PCDHGA1: variants seen among roughly 807,000 people sequenced by gnomAD.
PCDHGA1 encodes the protein protocadherin gamma subfamily A, 1.
In PCDHGA1, 32 loss-of-function variants were observed where a neutral mutation model predicts 58.0. That is an observed-to-expected ratio of 0.55 (90% confidence interval 0.42 to 0.74). The LOEUF is 0.74. Among genes scored for constraint, PCDHGA1 ranks in the 30% least tolerant of loss-of-function variants. The pLI is 0.00. For missense variants in PCDHGA1, 1,205 were observed against 1,182.3 expected (o/e 1.02, Z -0.28); for synonymous variants, 498 against 501.1 (o/e 0.99, Z 0.08).
In PCDHGA1 at chr5:141,330,917, A is replaced by C. The variant is rs755890926; in HGVS notation, c.233A>C (p.Asn78Thr). The change falls in exon 1 of 4, where the codon AAT becomes ACT. Residue 78 changes from asparagine to threonine, a missense_variant. Transcript: ENST00000517417. ...SRGRMPLFALNPRSGSLITAR... is the reference protein window; with the variant it reads ...SRGRMPLFALTPRSGSLITAR... ...GGTAGGATGCCGCTTTTCGCTCTGA[A>C]TCCTAGAAGTGGCAGCTTGATCACC... The C allele has an allele frequency of 6.2e-7, 1 of 1,614,208 alleles. No homozygotes were observed. Among genetic ancestry groups the C allele is most frequent in the South Asian group, 1.1e-5 (1 of 91,090 alleles).
intron 1 of PCDHGA1, chr5:141,392,231 C>T (rs1225616326): frequency 6.6e-6 from 1 of 152,078 alleles, no homozygotes; most frequent in Non-Finnish European, 1.5e-5. Context: ...AACTGAAGTT[C>T]TTAGTTATTT....
In PCDHGA1 at chr5:141,485,972, T is replaced by G; in HGVS notation, c.2422-8835T>G. ...CATGGTGCTCATCCAGCTCAATGCC[T>G]CAGACCCGGACCTGGGTCCCAGTGG... On this transcript the variant is annotated intron_variant, in intron 1 of 3. Transcript: ENST00000517417. The surrounding 1 kb of genome is among the most constrained non-coding windows in gnomAD (Gnocchi z 5.7). 1 of 1,614,184 alleles carries G rather than the reference T, an allele frequency of 6.2e-7. No individual in the cohort carries two copies. Among genetic ancestry groups the G allele is most frequent in the Non-Finnish European group, 8.5e-7 (1 of 1,180,022 alleles).
Position 141,421,718 on chromosome 5 carries a change from G to A in PCDHGA1, c.2422-73089G>A, listed in dbSNP as rs778263773. On this transcript the variant is annotated intron_variant, in intron 1 of 3. Transcript: ENST00000517417. ...CCTAATGCTAGGGATCCAGATGTGGGCGTGAACTCCCTCCAGAGCTACCAG... is the reference window on the plus strand; with the variant it reads ...CCTAATGCTAGGGATCCAGATGTGGACGTGAACTCCCTCCAGAGCTACCAG... 3.1e-6 allele frequency: 5 copies of A among 1,613,848 alleles called. No homozygotes were observed. The highest frequency in any genetic ancestry group is 2.7e-5 in the African/African-American group (2 of 74,938).
At chr5:141,392,816 G>C (rs1442012424) in intron 1 of PCDHGA1, 3 of 1,587,594 alleles carry the variant, frequency 1.9e-6, no homozygotes, top group Admixed American at 3.6e-5. Context: ...AAACAACAAT[G>C]GCCGCTCCAC....
At chr5:141,347,404 G>T (rs544331097) in intron 1 of PCDHGA1, among the ~76,000 whole-genome samples, 1 of 151,856 alleles carries the variant, frequency 6.6e-6, no homozygotes, top group African/African-American at 2.4e-5. Context: ...ATCTGCCCAC[G>T]TCAGCCTCCC....
intron 2 of PCDHGA1, among the ~76,000 whole-genome samples, chr5:141,501,290 T>TACACACACACACAC (rs55762287): frequency 7.3e-6 from 1 of 136,164 alleles, no homozygotes; most frequent in Non-Finnish European, 1.6e-5. Context: ...TATTCCCTTA[T>TACACACACACACAC]ACACACACAC....
At chr5:141,504,743 G>A (rs924744762) in intron 2 of PCDHGA1, among the ~76,000 whole-genome samples, 5 of 151,982 alleles carry the variant, frequency 3.3e-5, no homozygotes, top group African/African-American at 9.7e-5. Context: ...GGAAGCCATT[G>A]AATTTTAGAA....
intron 2 of PCDHGA1, among the ~76,000 whole-genome samples, chr5:141,502,382 T>C (rs1668612742): frequency 1.3e-5 from 2 of 152,088 alleles, no homozygotes; most frequent in Non-Finnish European, 2.9e-5. Context: ...CCAGGCCAGT[T>C]GTACTTTAAA....
intron 1 of PCDHGA1, chr5:141,340,233 C>T: frequency 6.2e-7 from 1 of 1,614,194 alleles, no homozygotes; most frequent in Non-Finnish European, 8.5e-7. Context: ...TACAACATCA[C>T]TCTAACCGCT....
chr5:141,417,900 G>C, intron 1 of PCDHGA1: 2 of 1,583,452 alleles, frequency 1.3e-6, no homozygotes, highest in Non-Finnish European at 1.7e-6. Context: ...GCCGGCCCGC[G>C]GCAGGTACTA....
chr5:141,433,291 T>A, intron 1 of PCDHGA1: 1 of 1,094,048 alleles, frequency 9.1e-7, no homozygotes, highest in Non-Finnish European at 1.3e-6. Flanking sequence ...ACTCCTAGGC[T>A]CAAGCAATTA....
intron 1 of PCDHGA1, among the ~76,000 whole-genome samples, chr5:141,454,750 T>C (rs992030704): frequency 1.3e-5 from 2 of 150,108 alleles, no homozygotes; most frequent in Admixed American, 6.7e-5. Flanking sequence ...GAGGCCAAAC[T>C]AATCTTGACA....
At chr5:141,345,217 A>G in intron 1 of PCDHGA1, 1 of 1,613,966 alleles carries the variant, frequency 6.2e-7, no homozygotes, top group Non-Finnish European at 8.5e-7. Context: ...TTTAAGTTAG[A>G]AAAATCAATA....
intron 1 of PCDHGA1, chr5:141,424,602 T>G (rs2154550827): frequency 6.6e-6 from 1 of 152,334 alleles, no homozygotes; most frequent in African/African-American, 2.4e-5. Flanking sequence ...GTCTACAGAT[T>G]TATTCAAATA....
At position 141,376,027 on chromosome 5, in the gene PCDHGA1, C is replaced by T. The variant is rs750383085; in HGVS notation, c.2421+42922C>T. The T allele has an allele frequency of 1.9e-6, 3 of 1,613,250 alleles. No homozygotes were observed. In the East Asian group the frequency reaches 6.7e-5, roughly 36 times the overall value. ...AGAGCCTAGTGGTGGCCGTCCAGGACCACGGCCAGCCCCCTCTCTCCGCCA... is the reference window on the plus strand; with the variant it reads ...AGAGCCTAGTGGTGGCCGTCCAGGATCACGGCCAGCCCCCTCTCTCCGCCA... On this transcript the variant is annotated intron_variant, in intron 1 of 3. Coordinates refer to ENST00000517417, the MANE Select transcript of PCDHGA1 (RefSeq NM_018912.3).
At chr5:141,502,978 G>T (rs1004984942) in intron 2 of PCDHGA1, among the ~76,000 whole-genome samples, 1 of 150,096 alleles carries the variant, frequency 6.7e-6, no homozygotes, top group Non-Finnish European at 1.5e-5. Context: ...CAAGTAGCTG[G>T]GATTACAGGC....
At chr5:141,419,674 C>T (rs372932653) in intron 1 of PCDHGA1, 48 of 1,612,820 alleles carry the variant, frequency 3.0e-5, no homozygotes, top group Non-Finnish European at 3.7e-5. Context: ...CCTGGCTGTC[C>T]TACCACGTGG....
intron 1 of PCDHGA1, chr5:141,344,116 C>G: frequency 6.2e-7 from 1 of 1,614,010 alleles, no homozygotes. Context: ...GAAACAGGAT[C>G]CGGTCAGATC....
chr5:141,414,578 A>G, intron 1 of PCDHGA1: 1 of 1,613,960 alleles, frequency 6.2e-7, no homozygotes, highest in Non-Finnish European at 8.5e-7. Context: ...ATCCCAGAGA[A>G]CAACGCCAGG....
Sources: gnomAD v4.1 joint callset for allele counts (sites outside exome capture counted in the v4.1 genomes callset) on GRCh38, gnomAD v4.1.1 for gene constraint, Gnocchi (gnomAD v3.1) non-coding constraint, MANE v1.5 for transcripts, NCBI Gene and HGNC (gene_info 2026-07-23, HGNC 2026-07-21) for gene names.